Variants in FAM171A1 observed in about 807,000 individuals in gnomAD.
FAM171A1 encodes the protein family with sequence similarity 171 member A1, also known as protein FAM171A1.
A neutral mutation model predicts 74.9 loss-of-function variants in FAM171A1; 23 were observed. The ratio of observed to expected loss-of-function variants is 0.31; its 90% confidence interval spans 0.22 to 0.44. The LOEUF is 0.44. Ranked by LOEUF, FAM171A1 falls within the 20% of genes least tolerant of loss-of-function variation. FAM171A1 has a pLI of 1.00. For missense variants in FAM171A1, 1,162 were observed against 1,159.2 expected, an observed-to-expected ratio of 1.00 and a Z score of -0.03; for synonymous variants, 527 against 505.7, an observed-to-expected ratio of 1.04 and a Z score of -0.57.
intron 4 of FAM171A1, 55 bp downstream of exon 4, chr10:15,254,666 A>G: frequency 6.3e-7 from 1 of 1,576,380 alleles, no homozygotes; most frequent in Middle Eastern, 1.7e-4. Context: ...TAAAATCCAC[A>G]TGTAAAGACT....
intron 1 of FAM171A1, among the ~76,000 whole-genome samples, chr10:15,314,334 T>A (rs1021070497): frequency 2.6e-5 from 4 of 152,182 alleles, no homozygotes; most frequent in African/African-American, 9.6e-5. Context: ...ACTGACCAAA[T>A]ATCCAATTCT....
chr10:15,239,781 C>T (rs1834341060), intron 5 of FAM171A1, among the ~76,000 whole-genome samples: 1 of 152,224 alleles, frequency 6.6e-6, no homozygotes, highest in African/African-American at 2.4e-5. Flanking sequence ...CAAAACATGT[C>T]AATGTGACAA....
chr10:15,284,168 G>T, intron 1 of FAM171A1, 63 bp from the exon 2 acceptor site: 1 of 1,435,832 alleles, frequency 7.0e-7, no homozygotes. Flanking sequence ...AGCAACTCTG[G>T]TATGACTGTG....
At chr10:15,364,433 G>A (rs951458464) in intron 1 of FAM171A1, among the ~76,000 whole-genome samples, 10 of 152,166 alleles carry the variant, frequency 6.6e-5, no homozygotes, top group South Asian at 4.1e-4. Context: ...CTGGTAAACC[G>A]ATGCAAAAAC....
At chr10:15,264,647 G>A (rs1283586663) in intron 3 of FAM171A1, among the ~76,000 whole-genome samples, 1 of 151,814 alleles carries the variant, frequency 6.6e-6, no homozygotes, top group African/African-American at 2.4e-5. Flanking sequence ...AGCCAGGTGT[G>A]GTGGTGTATA....
intron 1 of FAM171A1, among the ~76,000 whole-genome samples, chr10:15,291,309 C>A (rs1251367161): frequency 6.6e-6 from 1 of 152,154 alleles, no homozygotes; most frequent in South Asian, 2.1e-4. Flanking sequence ...TGAAACTAAC[C>A]ATCTCTTAAC....
intron 1 of FAM171A1, among the ~76,000 whole-genome samples, chr10:15,359,471 AG>A (rs1344519194): frequency 1.3e-5 from 2 of 152,084 alleles, no homozygotes; most frequent in African/African-American, 2.4e-5. Context: ...AACATCCTCA[AG>A]GGCAGAGAAA....
At chr10:15,220,714 T>C (rs1834026696) in intron 6 of FAM171A1, among the ~76,000 whole-genome samples, 2 of 152,166 alleles carry the variant, frequency 1.3e-5, no homozygotes, top group South Asian at 4.2e-4. Context: ...AAACAGCCAC[T>C]CAAGACTATT....
chr10:15,354,494 T>A (rs753607331), intron 1 of FAM171A1, among the ~76,000 whole-genome samples: 11 of 150,342 alleles, frequency 7.3e-5, no homozygotes, highest in Non-Finnish European at 1.6e-4. Flanking sequence ...AGACCCTGTC[T>A]CAAAAAAAAG....
chr10:15,263,145 G>A (rs977730346), intron 3 of FAM171A1, among the ~76,000 whole-genome samples: 1 of 152,172 alleles, frequency 6.6e-6, no homozygotes, highest in African/African-American at 2.4e-5. Context: ...CAGTGCCCAT[G>A]GGCAGCTGGG....
chr10:15,279,016 A>G (rs76877945), intron 2 of FAM171A1, among the ~76,000 whole-genome samples: 1,948 of 152,222 alleles, frequency 0.013, 46 homozygotes, highest in African/African-American at 0.044. Flanking sequence ...ATGCCCTCCT[A>G]AACGAGGATG....
chr10:15,241,354 T>C (rs1367077209), intron 5 of FAM171A1: 1 of 152,180 alleles, frequency 6.6e-6, no homozygotes, highest in Admixed American at 6.5e-5. Flanking sequence ...AGACCAGAGG[T>C]CACAATTTTT....
chr10:15,256,768 G>A lies in FAM171A1; in HGVS notation c.419-1889C>T, dbSNP rs150595957. Among the ~76,000 whole-genome samples, 37 of 152,222 alleles carry A rather than the reference G, an allele frequency of 2.4e-4. No homozygotes were observed. In the East Asian group the frequency reaches 2.9e-3, roughly 12 times the overall value. ...GGTCTGTGGAGAGTTCAAATTCCTC[G>A]GGGGTCCCACAAACGCTCTGTGTCC... is the stretch of plus-strand genomic sequence containing the variant. On this transcript the variant is annotated intron_variant, in intron 3 of 7. Coordinates refer to ENST00000378116, the MANE Select transcript of FAM171A1 (RefSeq NM_001010924.2).
intron 1 of FAM171A1, among the ~76,000 whole-genome samples, chr10:15,336,606 GGTT>G (rs1835703776): frequency 6.6e-6 from 1 of 152,060 alleles, no homozygotes; most frequent in African/African-American, 2.4e-5. Context: ...CTTATGATGT[GGTT>G]GTGTCTGGCC....
intron 1 of FAM171A1, among the ~76,000 whole-genome samples, chr10:15,354,270 C>T (rs1187302080): frequency 2.6e-5 from 4 of 151,974 alleles, no homozygotes; most frequent in South Asian, 4.2e-4. Flanking sequence ...CTGAGGTGGG[C>T]GGATCACCTG....
intron 1 of FAM171A1, among the ~76,000 whole-genome samples, chr10:15,360,976 C>T (rs978690575): frequency 1.3e-5 from 2 of 152,100 alleles, no homozygotes; most frequent in East Asian, 3.9e-4. Flanking sequence ...TTTGTAACTG[C>T]CATAGTTACT....
intron 1 of FAM171A1, among the ~76,000 whole-genome samples, chr10:15,313,933 AG>A (rs1305692393): frequency 6.6e-6 from 1 of 152,230 alleles, no homozygotes; most frequent in Non-Finnish European, 1.5e-5. Flanking sequence ...GCTCTGTACA[AG>A]GCAGAATCAC....
chr10:15,247,951 A>C (rs1349908649), intron 5 of FAM171A1, among the ~76,000 whole-genome samples: 1 of 152,162 alleles, frequency 6.6e-6, no homozygotes, highest in Non-Finnish European at 1.5e-5. Flanking sequence ...CCCCAGCTGA[A>C]CACTGCTGGA....
chr10:15,291,634 C>T lies in FAM171A1; in HGVS notation c.98-7529G>A, dbSNP rs1257702163. Reference sequence around the variant, plus strand: ...ACTCTGAAGTGGTGTCTTCACAGCCCTTGTGGATCAGGCCTTCACTCAAGT... The same window carrying T: ...ACTCTGAAGTGGTGTCTTCACAGCCTTTGTGGATCAGGCCTTCACTCAAGT... On this transcript the variant is annotated intron_variant, in intron 1 of 7. Transcript: ENST00000378116. Among the ~76,000 whole-genome samples, 5 of 152,286 alleles carry T rather than the reference C, an allele frequency of 3.3e-5. No individual in the cohort carries two copies. In the East Asian group the frequency reaches 7.7e-4, roughly 24 times the overall value.
Sources: gnomAD v4.1 joint callset for allele counts (sites outside exome capture counted in the v4.1 genomes callset) on GRCh38, gnomAD v4.1.1 for gene constraint, MANE v1.5 for transcripts, NCBI Gene and HGNC (gene_info 2026-07-23, HGNC 2026-07-21) for gene names.